Variants in LRRK2 observed in about 807,000 individuals in gnomAD.
The protein encoded by LRRK2 is leucine rich repeat kinase 2.
A neutral mutation model predicts 302.6 loss-of-function variants in LRRK2; 203 were observed. The observed-to-expected ratio is 0.67, with a 90% CI of 0.60 to 0.75. The LOEUF (loss-of-function observed/expected upper bound fraction) is 0.75, where lower values mean the gene tolerates loss of function less well. Ranked by LOEUF, LRRK2 falls within the 30% of genes least tolerant of loss-of-function variation. The pLI is 0.00. For missense variants in LRRK2, 2,830 were observed against 2,951.0 expected (o/e 0.96, Z 0.95); for synonymous variants, 1,066 against 1,031.9 (o/e 1.03, Z -0.63).
Position 40,347,409 on chromosome 12 carries a change from A to C in LRRK2, c.6280+486A>C, listed in dbSNP as rs377160038. 4.6e-5 allele frequency among the ~76,000 whole-genome samples: 7 copies of C among 152,342 alleles called. No individual in the cohort carries two copies. The South Asian group carries it at 8.3e-4, about 18-fold the overall frequency. ...TTTCAAGAAATTAGAGGACTTTGTA[A>C]TTCATTCCTTAACCATTACTTTAGT... On this transcript the variant is annotated intron_variant, in intron 42 of 50. Coordinates refer to ENST00000298910, the MANE Select transcript of LRRK2 (RefSeq NM_198578.4).
Position 40,359,378 on chromosome 12 carries a change from C to A in LRRK2, c.6962C>A (p.Thr2321Lys), listed in dbSNP as rs887646435. 6.2e-7 allele frequency: 1 copy of A among 1,613,250 alleles called. No homozygotes were observed. Among genetic ancestry groups the A allele is most frequent in the African/African-American group, 1.3e-5 (1 of 74,968 alleles). ...ERNVMWGGCG[T>K]KIFSFSNDFT... is the part of the protein sequence containing the mutation. The stretch of plus-strand genomic sequence containing the variant: ...AATGTAATGTGGGGAGGATGTGGCA[C>A]AAAGATTTTCTCCTTTTCTAATGAT... Residue 2321 changes from threonine to lysine, a missense_variant, in exon 47 of 51, where the codon ACA becomes AAA. Physicochemically the swap from Thr to Lys is moderately conservative, Grantham distance 78. Coordinates refer to ENST00000298910, the MANE Select transcript of LRRK2 (RefSeq NM_198578.4).
intron 3 of LRRK2, chr12:40,232,916 A>T (rs1022009439): frequency 3.9e-5 from 6 of 152,394 alleles, no homozygotes; most frequent in Non-Finnish European, 7.3e-5. Context: ...CCAAATCTTG[A>T]TAGTAATTTT....
At chr12:40,314,257 T>G in intron 32 of LRRK2, 84 bp downstream of exon 32, 4 of 1,381,676 alleles carry the variant, frequency 2.9e-6, no homozygotes, top group Non-Finnish European at 4.1e-6. Flanking sequence ...GAATTTACAT[T>G]CAAAGTTGAG....
At chr12:40,231,320 A>G (rs1030180962) in intron 2 of LRRK2, among the ~76,000 whole-genome samples, 1 of 150,894 alleles carries the variant, frequency 6.6e-6, no homozygotes. Context: ...TGAGAGGCCA[A>G]GTCAGGAGGA....
intron 2 of LRRK2, among the ~76,000 whole-genome samples, chr12:40,227,215 G>A (rs922223381): frequency 3.3e-5 from 5 of 151,982 alleles, no homozygotes; most frequent in Admixed American, 2.0e-4. Flanking sequence ...ATATTTTGGG[G>A]ATACATATGC....
At position 40,239,081 on chromosome 12, in the gene LRRK2, T is replaced by C. The variant is rs144821717; in HGVS notation, c.571+978T>C. Among the ~76,000 whole-genome samples, 355 of 152,296 alleles carry C rather than the reference T, an allele frequency of 2.3e-3. 1 individual carries two copies. The highest frequency in any genetic ancestry group is 8.0e-3 in the African/African-American group (334 of 41,564). ...TAAATATCAGTGGTTACAAAGTTCCTTAAGATAAAAGTAAACCTATTATTC... is the reference window on the plus strand; with the variant it reads ...TAAATATCAGTGGTTACAAAGTTCCCTAAGATAAAAGTAAACCTATTATTC... On this transcript the variant is annotated intron_variant, in intron 5 of 50. Transcript: ENST00000298910.
intron 14 of LRRK2, 72 bp downstream of exon 14, chr12:40,263,973 T>G: frequency 9.2e-7 from 1 of 1,084,286 alleles, no homozygotes; most frequent in Non-Finnish European, 1.4e-6. Flanking sequence ...TAGGGGCGCT[T>G]TTTCAGTCTA....
intron 12 of LRRK2, among the ~76,000 whole-genome samples, chr12:40,258,736 G>T (rs1362064483): frequency 6.6e-6 from 1 of 152,190 alleles, no homozygotes; most frequent in Admixed American, 6.5e-5. Flanking sequence ...GGTTACCCAA[G>T]GAGGGGAGGC....
Position 40,225,131 on chromosome 12 carries a change from C to T in LRRK2, c.-1C>T. ...GCGGCGGGTTGGAAGCAGGTGCCAC[C>T]ATGGCTAGTGGCAGCTGTCAGGGGT... is the stretch of plus-strand genomic sequence containing the variant. On this transcript the variant is annotated 5_prime_UTR_variant, in exon 1 of 51. Transcript: ENST00000298910. 6.2e-7 allele frequency: 1 copy of T among 1,613,820 alleles called. No homozygotes were observed. Among genetic ancestry groups the T allele is most frequent in the Non-Finnish European group, 8.5e-7 (1 of 1,179,986 alleles).
chr12:40,259,643 T>G, intron 13 of LRRK2, 39 bp downstream of exon 13: 1 of 1,610,620 alleles, frequency 6.2e-7, no homozygotes, highest in South Asian at 1.1e-5. Context: ...GATAACAATT[T>G]AAATGGATTT....
At chr12:40,297,060 G>A (rs1266969663) in intron 23 of LRRK2, among the ~76,000 whole-genome samples, 1 of 149,934 alleles carries the variant, frequency 6.7e-6, no homozygotes, top group African/African-American at 2.5e-5. Flanking sequence ...CCACTAGACT[G>A]TGAACTCTTT....
chr12:40,335,674 C>A lies in LRRK2; in HGVS notation c.5948+517C>A, dbSNP rs866794404. 3.9e-5 allele frequency among the ~76,000 whole-genome samples: 6 copies of A among 152,182 alleles called. No homozygotes were observed. The South Asian group carries it at 1.2e-3, about 31-fold the overall frequency. ...AAGACAAAAGGCCTGGGATTCATCA[C>A]TATTCCACACATTTAGTAACTGTGA... On this transcript the variant is annotated intron_variant, in intron 40 of 50. Coordinates refer to ENST00000298910, the MANE Select transcript of LRRK2 (RefSeq NM_198578.4).
chr12:40,284,823 G>C (rs1943855831), intron 19 of LRRK2, among the ~76,000 whole-genome samples: 1 of 152,030 alleles, frequency 6.6e-6, no homozygotes, highest in South Asian at 2.1e-4. Context: ...CAAACTCCAT[G>C]AATCAACACC....
rs1336900174 is a variant in LRRK2 at position 40,249,840 on chromosome 12, A to G, written c.853A>G (p.Ile285Val). ...HRLTLGNFFN[I>V]LVLNEVHEFV... ...TTAACTTTTAGGTAATTTTTTCAAT[A>G]TCCTGGTATTAAACGAAGTCCATGA... The change falls in exon 8 of 51, where the codon ATC becomes GTC. Residue 285 changes from isoleucine to valine, a missense_variant. Around this residue, in one of 3 missense-constraint regions of LRRK2, gnomAD observed 2,121 missense variants for 2,148.0 expected, o/e 0.99. Transcript: ENST00000298910. 6.2e-7 allele frequency: 1 copy of G among 1,613,776 alleles called. No individual in the cohort carries two copies. The highest frequency in any genetic ancestry group is 1.7e-5 in the Admixed American group (1 of 59,994).
intron 27 of LRRK2, chr12:40,305,063 ATCACCC>A (rs1944768298): frequency 6.6e-6 from 1 of 152,112 alleles, no homozygotes; most frequent in South Asian, 2.1e-4. Flanking sequence ...CCACCATGCT[ATCACCC>A]TAATGGATCA....
intron 35 of LRRK2, 150 bp downstream of exon 35, chr12:40,321,338 A>G (rs550676333): frequency 1.3e-6 from 1 of 782,270 alleles, no homozygotes; most frequent in African/African-American, 1.8e-5. Flanking sequence ...GAATTAGAAA[A>G]TAAGCTCATA....
chr12:40,354,149 C>A, intron 44 of LRRK2, 150 bp from the exon 45 acceptor site: 1 of 664,470 alleles, frequency 1.5e-6, no homozygotes, highest in Non-Finnish European at 2.5e-6. Context: ...TCATTTATTG[C>A]TGAAAATTAA....
intron 5 of LRRK2, 92 bp from the exon 6 acceptor site, chr12:40,240,391 T>C (rs985874179): frequency 8.5e-7 from 1 of 1,178,570 alleles, no homozygotes; most frequent in Non-Finnish European, 1.2e-6. Context: ...TTGATGTATC[T>C]CACACAACTA....
chr12:40,360,030 T>C lies in LRRK2; in HGVS notation c.7028+586T>C, dbSNP rs1371797654. Among the ~76,000 whole-genome samples the C allele has an allele frequency of 3.9e-5, 6 of 152,324 alleles. No homozygotes were observed. The East Asian group carries it at 1.2e-3, about 29-fold the overall frequency. ...TTAATCAAATCTTTGCAGTTGGTTC[T>C]TATTTATCACATTCCTCAGTGATAA... On this transcript the variant is annotated intron_variant, in intron 47 of 50. Transcript: ENST00000298910.
Sources: allele counts gnomAD v4.1 joint callset (sites outside exome capture counted in the v4.1 genomes callset), GRCh38; gene constraint gnomAD v4.1.1; regional missense constraint gnomAD v4.1.1; transcripts MANE v1.5; gene names NCBI Gene and HGNC (gene_info 2026-07-23, HGNC 2026-07-21).